Variants in TAFA2 observed in about 807,000 individuals in gnomAD.
TAFA2 encodes chemokine-like protein TAFA-2.
In TAFA2, 7 loss-of-function variants were observed where a neutral mutation model predicts 18.8. That is an observed-to-expected ratio of 0.37 (90% confidence interval 0.21 to 0.70). TAFA2 has a LOEUF of 0.70. TAFA2 is among the 30% of genes least tolerant of loss of function. The pLI is 0.53. For synonymous variants in TAFA2, 60 were observed against 54.2 expected (o/e 1.11, Z -0.47); for missense variants, 122 against 158.1 (o/e 0.77, Z 1.23).
At chr12:62,098,884 T>C (rs1434085343) in intron 1 of TAFA2, among the ~76,000 whole-genome samples, 1 of 152,176 alleles carries the variant, frequency 6.6e-6, no homozygotes, top group Non-Finnish European at 1.5e-5. Context: ...CCAGATTTAG[T>C]TCTAGCAGCA....
rs74098732 is a variant in TAFA2, at chr12:62,176,211, A to G, written c.-2+15048T>C. Reference sequence around the variant, plus strand: ...GTTACAAATAAAATTAATTTAAAATAGATTTACTTGGAAAGGGATTGTCTG... The same window carrying G: ...GTTACAAATAAAATTAATTTAAAATGGATTTACTTGGAAAGGGATTGTCTG... On this transcript the variant is annotated intron_variant, in intron 1 of 4. Transcript: ENST00000416284. Among the ~76,000 whole-genome samples, 1,270 of 152,354 alleles carry G rather than the reference A, an allele frequency of 8.3e-3. 18 individuals are homozygous for G. The highest frequency in any genetic ancestry group is 0.029 in the African/African-American group (1,222 of 41,584).
intron 2 of TAFA2, among the ~76,000 whole-genome samples, chr12:61,799,523 A>AT (rs1448776228): frequency 1.3e-5 from 2 of 152,170 alleles, no homozygotes; most frequent in Non-Finnish European, 2.9e-5. Flanking sequence ...TCATATATAC[A>AT]TTTAAAGGTG....
chr12:62,114,865 A>G (rs950914099), intron 1 of TAFA2, among the ~76,000 whole-genome samples: 1 of 152,138 alleles, frequency 6.6e-6, no homozygotes, highest in Non-Finnish European at 1.5e-5. Flanking sequence ...GGTATAATTC[A>G]TAGCACCAAG....
At chr12:62,120,423 G>A (rs143171579) in intron 1 of TAFA2, among the ~76,000 whole-genome samples, 121 of 152,236 alleles carry the variant, frequency 7.9e-4, no homozygotes, top group African/African-American at 2.4e-3. Flanking sequence ...AGTCAATAGC[G>A]GTAAAATTTT....
intron 1 of TAFA2, among the ~76,000 whole-genome samples, chr12:62,119,547 T>A (rs1334340665): frequency 1.3e-5 from 2 of 152,216 alleles, no homozygotes; most frequent in Non-Finnish European, 2.9e-5. Context: ...CCACTTCTAT[T>A]TTCATTTTTG....
chr12:61,982,432 G>A (rs1414143776), intron 1 of TAFA2, among the ~76,000 whole-genome samples: 1 of 151,980 alleles, frequency 6.6e-6, no homozygotes, highest in African/African-American at 2.4e-5. Context: ...AGAACTTAAA[G>A]TATAATTAAA....
At chr12:61,818,700 T>C (rs139909931) in intron 2 of TAFA2, among the ~76,000 whole-genome samples, 4 of 152,130 alleles carry the variant, frequency 2.6e-5, no homozygotes, top group Non-Finnish European at 5.9e-5. Flanking sequence ...AAGGAACACA[T>C]GATAGTCTTA....
chr12:62,155,916 A>C (rs954652859), intron 1 of TAFA2, among the ~76,000 whole-genome samples: 4 of 152,346 alleles, frequency 2.6e-5, no homozygotes, highest in African/African-American at 9.6e-5. Flanking sequence ...CCCAAAAGCA[A>C]ATGCAATAAA....
chr12:62,093,082 G>C lies in TAFA2; in HGVS notation c.-2+98177C>G, dbSNP rs143852479. 1.8e-3 allele frequency among the ~76,000 whole-genome samples: 277 copies of C among 151,974 alleles called. 1 individual carries two copies. Among genetic ancestry groups the C allele is most frequent in the Middle Eastern group, 3.4e-3 (1 of 294 alleles). On this transcript the variant is annotated intron_variant, in intron 1 of 4. Transcript: ENST00000416284. ...TATTTATGGATTTTTATAGGATTTG[G>C]TATTCAACTTTATTATTTTAGACTA... is the stretch of plus-strand genomic sequence containing the variant.
At chr12:61,940,740 G>A (rs1257044851) in intron 1 of TAFA2, among the ~76,000 whole-genome samples, 2 of 152,168 alleles carry the variant, frequency 1.3e-5, no homozygotes, top group South Asian at 2.1e-4. Context: ...GCCACTTGAG[G>A]AAAGGTCTGA....
intron 4 of TAFA2, among the ~76,000 whole-genome samples, chr12:61,719,238 T>C (rs936821950): frequency 1.3e-5 from 2 of 152,152 alleles, no homozygotes; most frequent in African/African-American, 2.4e-5. Context: ...ACCGCCTTTG[T>C]AAAGCTAAGG....
At chr12:62,138,469 C>T (rs2062215451) in intron 1 of TAFA2, among the ~76,000 whole-genome samples, 1 of 152,084 alleles carries the variant, frequency 6.6e-6, no homozygotes, top group Non-Finnish European at 1.5e-5. Context: ...GAATTGTTGC[C>T]TGATAGTTTA....
intron 1 of TAFA2, among the ~76,000 whole-genome samples, chr12:62,133,216 G>GT (rs1406792712): frequency 6.6e-6 from 1 of 151,922 alleles, no homozygotes; most frequent in Non-Finnish European, 1.5e-5. Context: ...ATAACTCCCT[G>GT]TTGACACACT....
At chr12:61,942,265 A>G (rs1242774885) in intron 1 of TAFA2, among the ~76,000 whole-genome samples, 1 of 144,230 alleles carries the variant, frequency 6.9e-6, no homozygotes, top group East Asian at 2.1e-4. Flanking sequence ...AGGAAAACTA[A>G]CAAACAGAAA....
At chr12:61,841,393 T>G (rs1019302139) in intron 2 of TAFA2, among the ~76,000 whole-genome samples, 1 of 152,110 alleles carries the variant, frequency 6.6e-6, no homozygotes, top group Admixed American at 6.6e-5. Context: ...AGGTACCATT[T>G]ATTGAAGAGA....
At chr12:62,125,584 T>C (rs1167741777) in intron 1 of TAFA2, among the ~76,000 whole-genome samples, 2 of 152,140 alleles carry the variant, frequency 1.3e-5, no homozygotes, top group Admixed American at 1.3e-4. Flanking sequence ...ACTGAACCTG[T>C]TAATAGGGCA....
At chr12:62,074,634 T>G (rs1430908362) in intron 1 of TAFA2, among the ~76,000 whole-genome samples, 1 of 152,048 alleles carries the variant, frequency 6.6e-6, no homozygotes, top group Non-Finnish European at 1.5e-5. Flanking sequence ...ATACAGACAG[T>G]AGAATGCGAG....
intron 1 of TAFA2, among the ~76,000 whole-genome samples, chr12:62,123,772 C>CCACACATA (rs1870321840): frequency 1.4e-5 from 1 of 69,024 alleles, no homozygotes; most frequent in South Asian, 5.4e-4. Flanking sequence ...ATCTCCCCCA[C>CCACACATA]CACACACATA....
intron 1 of TAFA2, among the ~76,000 whole-genome samples, chr12:61,875,575 C>T (rs1239925937): frequency 6.6e-6 from 1 of 152,014 alleles, no homozygotes; most frequent in Non-Finnish European, 1.5e-5. Flanking sequence ...TATGTTAGAG[C>T]TACTAAATTG....
Sources: allele counts gnomAD v4.1 joint callset (sites outside exome capture counted in the v4.1 genomes callset), GRCh38; gene constraint gnomAD v4.1.1; transcripts MANE v1.5; gene names NCBI Gene and HGNC (gene_info 2026-07-23, HGNC 2026-07-21).